Variants in SIAH3 observed in about 807,000 individuals in gnomAD.
The protein encoded by SIAH3 is siah E3 ubiquitin protein ligase family member 3, also known as seven in absentia homolog 3.
Under a neutral mutation model 12.6 loss-of-function variants are expected in SIAH3, and 9 were observed. That is an observed-to-expected ratio of 0.72 (90% CI 0.43 to 1.25). The LOEUF is 1.25. Ranked by LOEUF, SIAH3 falls within the 50% of genes most tolerant of loss-of-function variation. SIAH3 has a pLI of 0.00. For missense variants in SIAH3, 390 were observed against 365.4 expected, an observed-to-expected ratio of 1.07 and a Z score of -0.55; for synonymous variants, 154 against 151.1, an observed-to-expected ratio of 1.02 and a Z score of -0.14.
chr13:45,840,127 G>A (rs1447296617), intron 1 of SIAH3, among the ~76,000 whole-genome samples: 1 of 151,850 alleles, frequency 6.6e-6, no homozygotes, highest in East Asian at 2.0e-4. Flanking sequence ...GCGTGGTGGT[G>A]TGCACCTGTA....
At chr13:45,851,381 C>G in intron 1 of SIAH3, 114 bp downstream of exon 1, 1 of 1,400,536 alleles carries the variant, frequency 7.1e-7, no homozygotes, top group Non-Finnish European at 9.9e-7. Flanking sequence ...ACCGTCCCAG[C>G]CCCCGAGACC....
intron 1 of SIAH3, among the ~76,000 whole-genome samples, chr13:45,827,563 G>A (rs1013951513): frequency 3.9e-5 from 6 of 152,172 alleles, no homozygotes; most frequent in African/African-American, 1.4e-4. Context: ...TCTCAGAGGG[G>A]TTGGGAAAGT....
At chr13:45,803,046 G>C (rs1487780619) in intron 1 of SIAH3, among the ~76,000 whole-genome samples, 1 of 152,034 alleles carries the variant, frequency 6.6e-6, no homozygotes, top group Non-Finnish European at 1.5e-5. Context: ...ACTCCAGCCT[G>C]GGTGACAAGA....
chr13:45,846,442 G>A (rs1292869738), intron 1 of SIAH3, among the ~76,000 whole-genome samples: 1 of 152,032 alleles, frequency 6.6e-6, no homozygotes, highest in East Asian at 1.9e-4. Flanking sequence ...CCATTCTTTG[G>A]GTTGATTCCT....
chr13:45,834,935 C>T lies in SIAH3; in HGVS notation c.135+16560G>A, dbSNP rs147443703. Among the ~76,000 whole-genome samples, 56 of 152,220 alleles carry T rather than the reference C, an allele frequency of 3.7e-4. No homozygotes were observed. In the East Asian group the frequency reaches 7.9e-3, roughly 22 times the overall value. ...ATTAATATTGGTAATTAGAACAGGG[C>T]GTGCCTAACACATAGTAAGTGCTTT... On this transcript the variant is annotated intron_variant, in intron 1 of 1. Transcript: ENST00000400405.
At chr13:45,793,885 A>T (rs1302173901) in intron 1 of SIAH3, among the ~76,000 whole-genome samples, 1 of 152,232 alleles carries the variant, frequency 6.6e-6, no homozygotes, top group Non-Finnish European at 1.5e-5. Flanking sequence ...ATCATTCTGT[A>T]TTGTCCAGCT....
At chr13:45,835,797 T>C (rs1366985313) in intron 1 of SIAH3, among the ~76,000 whole-genome samples, 1 of 152,208 alleles carries the variant, frequency 6.6e-6, no homozygotes, top group Admixed American at 6.5e-5. Context: ...GGACCAAGTC[T>C]CACTGCTCCT....
intron 1 of SIAH3, among the ~76,000 whole-genome samples, chr13:45,846,264 A>G (rs180743583): frequency 1.4e-4 from 21 of 151,508 alleles, no homozygotes; most frequent in Admixed American, 5.9e-4. Context: ...TAATTTTCGT[A>G]GTTTTAGTAG....
Position 45,780,616 on chromosome 13 carries a change from T to C in SIAH3, c.*2767A>G, listed in dbSNP as rs1950500389. 6.6e-6 allele frequency: 1 copy of C among 152,176 alleles called. No homozygotes were observed. The highest frequency in any genetic ancestry group is 2.4e-5 in the African/African-American group (1 of 41,430). The allele number at this position is 152,176 out of a possible 1,614,324, so 9.4% of individuals were successfully genotyped here. ...CTAAAAGCAAATCTACTCCAGTCTT[T>C]CTCTCCCTGCTCCCTCAACTATCCC... On this transcript the variant is annotated 3_prime_UTR_variant, in exon 2 of 2. Transcript: ENST00000400405.
rs1950512301 is a variant in SIAH3, at chr13:45,783,338, C to T, written c.*45G>A. On this transcript the variant is annotated 3_prime_UTR_variant, in exon 2 of 2. Transcript: ENST00000400405. ...AGTCCTGGTATTGGGAGGTCCCAGG[C>T]GTTTCCTAGGGAGGCTGTGTGGGGA... 11 of 1,535,546 alleles carry T rather than the reference C, an allele frequency of 7.2e-6. No homozygotes were observed. In the Admixed American group the frequency reaches 9.0e-5, roughly 13 times the overall value.
chr13:45,824,549 G>T (rs1264688358), intron 1 of SIAH3, among the ~76,000 whole-genome samples: 2 of 152,174 alleles, frequency 1.3e-5, no homozygotes, highest in Non-Finnish European at 2.9e-5. Flanking sequence ...CTGGGGTTGA[G>T]ACCCAGGTTT....
In SIAH3 at chr13:45,846,160, G is replaced by A. The variant is rs535432450; in HGVS notation, c.135+5335C>T. The stretch of plus-strand genomic sequence containing the variant: ...GCTGGAGTACAGTGGTGTGATCTCA[G>A]CTCACTGCAACGTCTGCCTCCCGGG... On this transcript the variant is annotated intron_variant, in intron 1 of 1. Transcript: ENST00000400405. Among the ~76,000 whole-genome samples the A allele has an allele frequency of 8.5e-5, 11 of 129,008 alleles. No individual in the cohort carries two copies. In the Middle Eastern group the frequency reaches 0.017, roughly 195 times the overall value. 84.6% of individuals were successfully genotyped at this position (129,008 alleles called of 152,430 possible).
In SIAH3 at chr13:45,783,651, G is replaced by C. The variant is rs1353181079; in HGVS notation, c.542C>G (p.Pro181Arg). The change falls in exon 2 of 2, where the codon CCC becomes CGC. Residue 181 changes from proline (P) to arginine (R), a missense_variant. Coordinates refer to ENST00000400405, the MANE Select transcript of SIAH3 (RefSeq NM_198849.3). ...CAGCATCATGGTGGCAAAGAACTGG[G>C]GGTGCCCTTCATGCCTCTCCTGTTT... is the stretch of plus-strand genomic sequence containing the variant. ...LRKQERHEGH[P>R]QFFATMMLIG... 1 of 1,614,122 alleles carries C rather than the reference G, an allele frequency of 6.2e-7. No homozygotes were observed.
chr13:45,821,258 T>C (rs533230965), intron 1 of SIAH3, among the ~76,000 whole-genome samples: 18 of 152,164 alleles, frequency 1.2e-4, no homozygotes, highest in Non-Finnish European at 2.4e-4. Flanking sequence ...CTACAAGCCA[T>C]GGAATGCCCG....
At chr13:45,841,438 G>A (rs1299501378) in intron 1 of SIAH3, among the ~76,000 whole-genome samples, 1 of 152,126 alleles carries the variant, frequency 6.6e-6, no homozygotes, top group Non-Finnish European at 1.5e-5. Context: ...AGGGCCTACC[G>A]TTTCCTTTCT....
chr13:45,841,911 ACC>A (rs1950741547), intron 1 of SIAH3, among the ~76,000 whole-genome samples: 1 of 152,042 alleles, frequency 6.6e-6, no homozygotes, highest in African/African-American at 2.4e-5. Context: ...TGAGAACAAG[ACC>A]CCTCTGGGAA....
chr13:45,796,253 A>C (rs914869889), intron 1 of SIAH3, among the ~76,000 whole-genome samples: 1 of 116,308 alleles, frequency 8.6e-6, no homozygotes. Flanking sequence ...ACAAAATAGA[A>C]TGGAAGAAAG....
intron 1 of SIAH3, among the ~76,000 whole-genome samples, chr13:45,784,833 G>A (rs1246362211): frequency 1.3e-5 from 2 of 152,234 alleles, no homozygotes; most frequent in East Asian, 1.9e-4. Flanking sequence ...ACCAAGAGCT[G>A]TGAGGATGCC....
chr13:45,836,430 C>G (rs905441916), intron 1 of SIAH3, among the ~76,000 whole-genome samples: 1 of 152,136 alleles, frequency 6.6e-6, no homozygotes, highest in Non-Finnish European at 1.5e-5. Flanking sequence ...AGTTGGAAGC[C>G]ACTATATTAT....
Sources: allele counts gnomAD v4.1 joint callset (sites outside exome capture counted in the v4.1 genomes callset), GRCh38; gene constraint gnomAD v4.1.1; transcripts MANE v1.5; gene names NCBI Gene and HGNC (gene_info 2026-07-23, HGNC 2026-07-21).